SHANK2: variants seen among roughly 807,000 people sequenced by gnomAD.
The protein encoded by SHANK2 is SH3 and multiple ankyrin repeat domains 2, also known as SH3 and multiple ankyrin repeat domains protein 2.
Under a neutral mutation model 133.7 loss-of-function variants are expected in SHANK2, and 43 were observed. The ratio of observed to expected loss-of-function variants is 0.32; its 90% confidence interval spans 0.25 to 0.41. The LOEUF (loss-of-function observed/expected upper bound fraction) is 0.41. Among genes scored for constraint, SHANK2 ranks in the 10% least tolerant of loss-of-function variants. The pLI, the probability that SHANK2 is intolerant of heterozygous loss-of-function variation, is 1.00. For synonymous variants in SHANK2, 1,017 were observed against 952.8 expected, an observed-to-expected ratio of 1.07 and a Z score of -1.24; for missense variants, 1,994 against 2,235.8, an observed-to-expected ratio of 0.89 and a Z score of 2.18.
At position 71,092,529 on chromosome 11, in the gene SHANK2, A is replaced by T. The variant is rs1342178457; in HGVS notation, c.805T>A (p.Tyr269Asn). The part of the protein sequence containing the change: ...YKDSYGLTPL[Y>N]HTAIVGGDPY... ...TCACCTCCGACGATGGCTGTGTGAT[A>T]CAGCGGGGTGAGGCCGTAACTGTCT... Residue 269 changes from tyrosine to asparagine, a missense_variant, in exon 8 of 26, where the codon TAT becomes AAT. Tyr to Asn is a moderately radical substitution (Grantham distance 143). Around this residue, in one of 5 missense-constraint regions of SHANK2, gnomAD observed 653 missense variants for 563.4 expected, o/e 1.16. Transcript: ENST00000601538. 5 of 1,551,908 alleles carry T rather than the reference A, an allele frequency of 3.2e-6. No individual in the cohort carries two copies. Among genetic ancestry groups the T allele is most frequent in the Non-Finnish European group, 4.4e-6 (5 of 1,147,058 alleles).
At position 70,486,869 on chromosome 11, in the gene SHANK2, A is replaced by G; in HGVS notation, c.3424T>C (p.Ser1142Pro). Residue 1142 changes from serine (S) to proline (P), a missense_variant, in exon 25 of 26, where the codon TCA (serine) becomes CCA (proline). By Grantham distance (74) the Ser-to-Pro change is moderately conservative. This residue lies in a region of SHANK2 where 797 missense variants were observed against 907.4 expected (regional missense o/e 0.88). Coordinates refer to ENST00000601538, the MANE Select transcript of SHANK2 (RefSeq NM_012309.5). The surrounding 1 kb of genome is among the most constrained non-coding windows in gnomAD (Gnocchi z 8.0). ...GGCGTGGCACTCGGCATGGGGGATG[A>G]CAGCTGCTCAGCGCTGTCCTCGTCA... ...FADEDSAEQL[S>P]SPMPSATPRE... 6.2e-7 allele frequency: 1 copy of G among 1,612,696 alleles called. No homozygotes were observed. The highest frequency in any genetic ancestry group is 8.5e-7 in the Non-Finnish European group (1 of 1,179,910).
chr11:70,607,977 C>G (rs2060602002), intron 17 of SHANK2, among the ~76,000 whole-genome samples: 1 of 152,232 alleles, frequency 6.6e-6, no homozygotes, highest in African/African-American at 2.4e-5. Context: ...CCACAGTTGA[C>G]TCTGACCAGA....
chr11:70,754,028 T>C (rs1220925983), intron 14 of SHANK2, among the ~76,000 whole-genome samples: 1 of 152,230 alleles, frequency 6.6e-6, no homozygotes, highest in Non-Finnish European at 1.5e-5. Flanking sequence ...GCTAGGCTTG[T>C]CTTGAACTCC....
At chr11:70,528,751 G>C (rs1350838311) in intron 17 of SHANK2, among the ~76,000 whole-genome samples, 1 of 151,906 alleles carries the variant, frequency 6.6e-6, no homozygotes, top group South Asian at 2.1e-4. Flanking sequence ...CGGCATCCGT[G>C]GGGGAGATCA....
intron 10 of SHANK2, among the ~76,000 whole-genome samples, chr11:70,931,379 A>G (rs1443177456): frequency 1.3e-5 from 2 of 152,228 alleles, no homozygotes; most frequent in Non-Finnish European, 2.9e-5. Context: ...ATCTCAATAA[A>G]GCAGTCTTTT....
At chr11:70,694,610 T>C (rs781986492) in intron 15 of SHANK2, among the ~76,000 whole-genome samples, 1 of 152,194 alleles carries the variant, frequency 6.6e-6, no homozygotes, top group African/African-American at 2.4e-5. Flanking sequence ...ACTTGCAACA[T>C]GAATGCCAAC....
chr11:71,252,505 C>G lies in SHANK2; in HGVS notation c.-193G>C, dbSNP rs1237979519. ...CACACCTGGATCGGCCGCGGGAACC[C>G]GAGCGGCGCCGCGCCCAGCCCCGCC... On this transcript the variant is annotated 5_prime_UTR_variant, in exon 1 of 26. Transcript: ENST00000601538. This position sits in a 1 kb window ranked among gnomAD's most constrained non-coding sequence, Gnocchi z 6.3. The G allele has an allele frequency of 6.6e-6, 1 of 151,140 alleles. No homozygotes were observed. Among genetic ancestry groups the G allele is most frequent in the East Asian group, 2.0e-4 (1 of 5,124 alleles). The allele number at this position is 151,140 out of a possible 1,614,324, so 9.4% of individuals were successfully genotyped here. A position where few individuals can be genotyped will look rare whatever the true frequency, so the allele number is the denominator to read the frequency against.
chr11:70,558,698 T>G (rs77281233), intron 17 of SHANK2, among the ~76,000 whole-genome samples: 77 of 27,142 alleles, frequency 2.8e-3, no homozygotes, highest in African/African-American at 8.4e-3. Flanking sequence ...ATTCTACACT[T>G]GGGCACTGGG....
intron 2 of SHANK2, among the ~76,000 whole-genome samples, chr11:71,211,061 C>T (rs934381609): frequency 1.3e-5 from 2 of 152,066 alleles, no homozygotes; most frequent in African/African-American, 4.8e-5. Context: ...CTGCTGCAGC[C>T]CTAATTGCTC....
intron 2 of SHANK2, among the ~76,000 whole-genome samples, chr11:71,182,347 T>C (rs1555113922): frequency 6.6e-6 from 1 of 152,204 alleles, no homozygotes; most frequent in African/African-American, 2.4e-5. Context: ...ATTTGTTTCT[T>C]GGGACTACCA....
At chr11:70,846,367 G>A (rs562068567) in intron 11 of SHANK2, among the ~76,000 whole-genome samples, 48 of 152,096 alleles carry the variant, frequency 3.2e-4, no homozygotes, top group Non-Finnish European at 5.3e-4. Context: ...AGGCTCAAGC[G>A]ATCCTCCTGC....
intron 2 of SHANK2, among the ~76,000 whole-genome samples, chr11:71,167,336 G>C (rs1451779704): frequency 1.3e-5 from 2 of 152,080 alleles, no homozygotes; most frequent in Non-Finnish European, 2.9e-5. Context: ...GCCGGGCAGA[G>C]GGGCTCACTT....
Position 71,105,454 on chromosome 11 carries a change from G to A in SHANK2, c.592+4487C>T, listed in dbSNP as rs571604195. Among the ~76,000 whole-genome samples, 32 of 152,060 alleles carry A rather than the reference G, an allele frequency of 2.1e-4. 1 individual carries two copies. Among genetic ancestry groups the A allele is most frequent in the South Asian group, 8.3e-4 (4 of 4,814 alleles). On this transcript the variant is annotated intron_variant, in intron 6 of 25. Transcript: ENST00000601538. ...CTAAAAATAAAAAAATTAGTTGGGC[G>A]TGGTGGTGCACGTCTATAATCCCAG...
chr11:70,855,699 G>A (rs1408956529), intron 11 of SHANK2, among the ~76,000 whole-genome samples: 2 of 152,180 alleles, frequency 1.3e-5, no homozygotes, highest in Admixed American at 1.3e-4. Flanking sequence ...CATGTGGTAA[G>A]CTCACAAAAA....
chr11:70,667,978 G>A (rs1944712325), intron 15 of SHANK2: 2 of 152,222 alleles, frequency 1.3e-5, no homozygotes, highest in Admixed American at 6.5e-5. Flanking sequence ...TGGGGCCAGT[G>A]TCAAGCCGCC....
chr11:71,070,411 G>C (rs950480318), intron 9 of SHANK2, among the ~76,000 whole-genome samples: 3 of 152,234 alleles, frequency 2.0e-5, no homozygotes, highest in Non-Finnish European at 4.4e-5. Flanking sequence ...GCTAGGCAAG[G>C]CTGGAAATCA....
chr11:70,891,237 G>A (rs147073660), intron 11 of SHANK2, among the ~76,000 whole-genome samples: 86 of 152,116 alleles, frequency 5.7e-4, no homozygotes, highest in Middle Eastern at 3.4e-3. Flanking sequence ...ACCAGAGGCC[G>A]GGCACGGTGG....
intron 1 of SHANK2, among the ~76,000 whole-genome samples, chr11:71,226,016 G>A (rs1341416802): frequency 6.6e-6 from 1 of 152,212 alleles, no homozygotes; most frequent in African/African-American, 2.4e-5. Flanking sequence ...CAGCTACTCA[G>A]GAGGCTGAGG....
At chr11:70,863,198 G>A in intron 11 of SHANK2, 1 of 391,034 alleles carries the variant, frequency 2.6e-6, no homozygotes, top group Non-Finnish European at 5.1e-6. Flanking sequence ...TCCCTGGTCA[G>A]GAGGGGTTGG....
Sources: gnomAD v4.1 joint callset for allele counts (sites outside exome capture counted in the v4.1 genomes callset) on GRCh38, gnomAD v4.1.1 for gene constraint, gnomAD v4.1.1 regional missense constraint, Gnocchi (gnomAD v3.1) non-coding constraint, MANE v1.5 for transcripts, NCBI Gene and HGNC (gene_info 2026-07-23, HGNC 2026-07-21) for gene names.